RBFOX1: variants seen among roughly 807,000 people sequenced by gnomAD.
RBFOX1 encodes the protein RNA binding protein fox-1 homolog 1.
In RBFOX1, 8 loss-of-function variants were observed where a neutral mutation model predicts 57.7. That is an observed-to-expected ratio of 0.14 (90% CI 0.08 to 0.25). The LOEUF (loss-of-function observed/expected upper bound fraction) is 0.25. RBFOX1 is among the 10% of genes least tolerant of loss of function. The pLI, the probability that RBFOX1 is intolerant of heterozygous loss-of-function variation, is 1.00. For synonymous variants in RBFOX1, 326 were observed against 222.4 expected, an observed-to-expected ratio of 1.47 and a Z score of -4.15; for missense variants, 611 against 548.5, an observed-to-expected ratio of 1.11 and a Z score of -1.14.
At chr16:6,676,646 C>G (rs190720607) in intron 3 of RBFOX1, among the ~76,000 whole-genome samples, 1 of 140,188 alleles carries the variant, frequency 7.1e-6, no homozygotes, top group Non-Finnish European at 1.6e-5. Flanking sequence ...AACTTACTTT[C>G]TTTTTTTTTC....
intron 2 of RBFOX1, among the ~76,000 whole-genome samples, chr16:6,520,129 C>T (rs894521603): frequency 2.0e-5 from 3 of 152,172 alleles, no homozygotes; most frequent in Non-Finnish European, 4.4e-5. Context: ...CTTGGAGCTT[C>T]TTCATGGCCA....
intron 3 of RBFOX1, among the ~76,000 whole-genome samples, chr16:5,757,140 C>T (rs1221053784): frequency 6.6e-6 from 1 of 152,042 alleles, no homozygotes; most frequent in Non-Finnish European, 1.5e-5. Flanking sequence ...TGCATAGCTG[C>T]CAAGCTTGCC....
intron 4 of RBFOX1, among the ~76,000 whole-genome samples, chr16:5,894,741 G>C (rs2058121282): frequency 6.6e-6 from 1 of 152,104 alleles, no homozygotes; most frequent in Non-Finnish European, 1.5e-5. Context: ...CATCTACAGG[G>C]CCAGGCGTGG....
At chr16:6,641,922 C>T (rs937349919) in intron 2 of RBFOX1, among the ~76,000 whole-genome samples, 25 of 152,218 alleles carry the variant, frequency 1.6e-4, no homozygotes, top group Admixed American at 2.6e-4. Context: ...AGGGCTTCTT[C>T]CAGCCTCTTC....
chr16:7,487,634 T>C (rs1170973141), intron 4 of RBFOX1, among the ~76,000 whole-genome samples: 1 of 152,124 alleles, frequency 6.6e-6, no homozygotes, highest in African/African-American at 2.4e-5. Context: ...CCTGTTCATA[T>C]ACATATAGAA....
At chr16:7,336,293 C>G (rs1468372319) in intron 4 of RBFOX1, among the ~76,000 whole-genome samples, 3 of 152,198 alleles carry the variant, frequency 2.0e-5, no homozygotes, top group Non-Finnish European at 4.4e-5. Context: ...AATGTGTTGG[C>G]TCTGGGCTGC....
chr16:6,382,489 C>A (rs917938228), intron 2 of RBFOX1, among the ~76,000 whole-genome samples: 1 of 152,156 alleles, frequency 6.6e-6, no homozygotes, highest in African/African-American at 2.4e-5. Flanking sequence ...GACCTGGAGC[C>A]AGTTTGTGCA....
At chr16:7,706,409 T>G (rs2082456526) in intron 14 of RBFOX1, among the ~76,000 whole-genome samples, 1 of 152,210 alleles carries the variant, frequency 6.6e-6, no homozygotes, top group Admixed American at 6.5e-5. Flanking sequence ...ATTGTTACCT[T>G]GGGTTTTCCA....
intron 4 of RBFOX1, among the ~76,000 whole-genome samples, chr16:7,119,920 G>A (rs572978308): frequency 6.6e-6 from 1 of 152,072 alleles, no homozygotes; most frequent in Non-Finnish European, 1.5e-5. Flanking sequence ...AAGTCCACAT[G>A]AGATATTTAC....
At chr16:5,866,717 G>A (rs1017508008) in intron 3 of RBFOX1, among the ~76,000 whole-genome samples, 2 of 152,132 alleles carry the variant, frequency 1.3e-5, no homozygotes, top group East Asian at 1.9e-4. Flanking sequence ...TACCTAACTT[G>A]TACAAACCCC....
chr16:5,624,951 C>A (rs1227463659), intron 3 of RBFOX1, among the ~76,000 whole-genome samples: 5 of 152,172 alleles, frequency 3.3e-5, no homozygotes, highest in Non-Finnish European at 7.3e-5. Context: ...TCTGTAGGGA[C>A]CCCACCCGGA....
chr16:5,882,389 C>T, intron 4 of RBFOX1, among the ~76,000 whole-genome samples: 1 of 152,184 alleles, frequency 6.6e-6, no homozygotes, highest in East Asian at 1.9e-4. Context: ...ATGGGCAACA[C>T]CTGGAAAAGT....
chr16:7,385,136 C>G (rs566633558), intron 4 of RBFOX1, among the ~76,000 whole-genome samples: 4 of 152,252 alleles, frequency 2.6e-5, no homozygotes, highest in African/African-American at 4.8e-5. Flanking sequence ...GGGCAAAGGC[C>G]AGGTCATACA....
chr16:7,024,355 C>A (rs746573694), intron 3 of RBFOX1, among the ~76,000 whole-genome samples: 2 of 152,070 alleles, frequency 1.3e-5, no homozygotes, highest in Admixed American at 6.5e-5. Flanking sequence ...AATAATAATT[C>A]TTGGAGGGCA....
chr16:7,332,898 T>C (rs1473096611), intron 4 of RBFOX1: 2 of 1,577,942 alleles, frequency 1.3e-6, no homozygotes, highest in Non-Finnish European at 1.7e-6. Flanking sequence ...AGAAGGGATT[T>C]GGCTCCCAGC....
intron 3 of RBFOX1, among the ~76,000 whole-genome samples, chr16:6,961,430 A>T (rs1360738769): frequency 6.6e-6 from 1 of 152,172 alleles, no homozygotes; most frequent in African/African-American, 2.4e-5. Context: ...AACAACAAAG[A>T]TTGTTGCTTT....
intron 3 of RBFOX1, among the ~76,000 whole-genome samples, chr16:5,681,998 C>G (rs747596003): frequency 6.6e-6 from 1 of 151,994 alleles, no homozygotes; most frequent in African/African-American, 2.4e-5. Context: ...TGTTGAAATG[C>G]GTAATATATA....
chr16:6,565,709 C>A (rs1211508798), intron 2 of RBFOX1, among the ~76,000 whole-genome samples: 1 of 152,172 alleles, frequency 6.6e-6, no homozygotes, highest in Admixed American at 6.5e-5. Flanking sequence ...ACCTCGTGAT[C>A]CGCCCGCTTT....
chr16:6,688,289 C>T (rs150485945), intron 3 of RBFOX1, among the ~76,000 whole-genome samples: 1,576 of 152,116 alleles, frequency 0.01, 8 homozygotes, highest in Non-Finnish European at 0.017. Flanking sequence ...CATGAGAACT[C>T]AGTATCATGA....
Sources: allele counts gnomAD v4.1 joint callset (sites outside exome capture counted in the v4.1 genomes callset), GRCh38; gene constraint gnomAD v4.1.1; transcripts MANE v1.5; gene names NCBI Gene and HGNC (gene_info 2026-07-23, HGNC 2026-07-21).